Variants in GCSAML observed in about 807,000 individuals in gnomAD.
GCSAML encodes germinal center associated signaling and motility like.
A neutral mutation model predicts 13.0 loss-of-function variants in GCSAML; 9 were observed. That is an observed-to-expected ratio of 0.69 (90% confidence interval 0.42 to 1.21). GCSAML has a LOEUF of 1.21. Among genes scored for constraint, GCSAML ranks in the 50% most tolerant of loss-of-function variants. The probability of loss-of-function intolerance (pLI) is 0.00; values close to 1 mark genes in which losing one functional copy is unlikely to be tolerated. For synonymous variants in GCSAML, 37 were observed against 52.9 expected, an observed-to-expected ratio of 0.70 and a Z score of 1.31; for missense variants, 143 against 153.4, an observed-to-expected ratio of 0.93 and a Z score of 0.36.
At chr1:247,511,401 A>G (rs1450474818) in intron 1 of GCSAML, among the ~76,000 whole-genome samples, 6 of 151,732 alleles carry the variant, frequency 4.0e-5, no homozygotes. Context: ...TTTTGAGCTT[A>G]TGTGTGTCTT....
intron 2 of GCSAML, among the ~76,000 whole-genome samples, chr1:247,541,378 G>A (rs1667406040): frequency 6.6e-6 from 1 of 152,064 alleles, no homozygotes; most frequent in Admixed American, 6.6e-5. Flanking sequence ...CAGTTGGTGG[G>A]GTAGAATATT....
At chr1:247,549,044 G>A, upstream of GCSAML, 2 of 1,582,620 alleles carry the variant, frequency 1.3e-6, no homozygotes, top group Non-Finnish European at 1.7e-6. Context: ...ATCATGCGCA[G>A]GCCCCTGGCA....
intron 2 of GCSAML, chr1:247,532,001 C>T (rs1353296573): frequency 1.2e-6 from 2 of 1,614,088 alleles, no homozygotes; most frequent in Non-Finnish European, 1.7e-6. Flanking sequence ...CAATTGTTCC[C>T]ACACAGCGGT....
At chr1:247,564,027 G>A (rs945966809) in intron 3 of GCSAML, among the ~76,000 whole-genome samples, 6 of 151,884 alleles carry the variant, frequency 4.0e-5, no homozygotes, top group East Asian at 3.9e-4. Flanking sequence ...CCCGCCTTCC[G>A]GGTTCAAGTG....
chr1:247,573,136 C>T (rs1184449871), intron 4 of GCSAML, among the ~76,000 whole-genome samples: 1 of 152,196 alleles, frequency 6.6e-6, no homozygotes, highest in East Asian at 1.9e-4. Flanking sequence ...CTGAGCAAGA[C>T]CACTTGGCTC....
At chr1:247,520,782 C>T (rs1220287135) in intron 1 of GCSAML, among the ~76,000 whole-genome samples, 2 of 152,098 alleles carry the variant, frequency 1.3e-5, no homozygotes, top group Non-Finnish European at 2.9e-5. Context: ...CAGATTTCCT[C>T]ATTGGATTAT....
chr1:247,577,540 C>T lies in GCSAML; in HGVS notation c.*3158C>T, dbSNP rs967185307. On this transcript the variant is annotated 3_prime_UTR_variant, in exon 5 of 5. Coordinates refer to ENST00000366488, the MANE Select transcript of GCSAML (RefSeq NM_145278.5). Reference sequence around the variant, plus strand: ...GATTCATCTATGTTTAATGTTCTATCAGTAGTTGTACATCTTACTTGTCTC... The same window carrying T: ...GATTCATCTATGTTTAATGTTCTATTAGTAGTTGTACATCTTACTTGTCTC... 4 of 152,306 alleles carry T rather than the reference C, an allele frequency of 2.6e-5. 1 individual carries two copies. In the East Asian group the frequency reaches 7.7e-4, roughly 29 times the overall value. The allele number at this position is 152,306 out of a possible 1,614,324, so 9.4% of individuals were successfully genotyped here.
intron 2 of GCSAML, among the ~76,000 whole-genome samples, chr1:247,534,874 A>G (rs1481142063): frequency 1.3e-5 from 2 of 152,198 alleles, no homozygotes; most frequent in African/African-American, 2.4e-5. Flanking sequence ...GGCATTTGTT[A>G]AAATTCACAC....
chr1:247,556,515 T>C, intron 2 of GCSAML, 49 bp downstream of exon 2: 2 of 1,360,940 alleles, frequency 1.5e-6, no homozygotes, highest in Non-Finnish European at 2.1e-6. Context: ...TGTTTTGTTT[T>C]TTCATTGAGA....
intron 1 of GCSAML, among the ~76,000 whole-genome samples, chr1:247,549,486 G>A (rs1667695381): frequency 2.0e-5 from 3 of 151,556 alleles, no homozygotes; most frequent in Admixed American, 2.0e-4. Context: ...TTTTTTTTTA[G>A]TATGAATGTG....
chr1:247,536,531 G>C (rs1398263055), intron 2 of GCSAML: 2 of 152,176 alleles, frequency 1.3e-5, no homozygotes, highest in African/African-American at 4.8e-5. Context: ...ACCCTAAAGG[G>C]TGAAGTGTGA....
intron 1 of GCSAML, among the ~76,000 whole-genome samples, chr1:247,554,493 C>A (rs1667890793): frequency 6.6e-6 from 1 of 152,064 alleles, no homozygotes; most frequent in Non-Finnish European, 1.5e-5. Context: ...CTTCTCCCAA[C>A]TTCTTAAGAT....
intron 2 of GCSAML, chr1:247,531,300 A>G: frequency 2.0e-6 from 1 of 509,604 alleles, no homozygotes; most frequent in Non-Finnish European, 3.5e-6. Flanking sequence ...AGTTTACAAA[A>G]CAAGATGACA....
intron 1 of GCSAML, among the ~76,000 whole-genome samples, chr1:247,524,313 C>G (rs1017258514): frequency 6.6e-6 from 1 of 152,176 alleles, no homozygotes; most frequent in African/African-American, 2.4e-5. Flanking sequence ...ACACATGTAG[C>G]CCTTCCTCTT....
chr1:247,565,604 T>C, intron 3 of GCSAML: 1 of 239,164 alleles, frequency 4.2e-6, no homozygotes, highest in Admixed American at 5.6e-5. Context: ...ATGCTTATCA[T>C]ATTGCATTGA....
intron 1 of GCSAML, among the ~76,000 whole-genome samples, chr1:247,514,330 T>C (rs1277055999): frequency 6.6e-6 from 1 of 152,204 alleles, no homozygotes; most frequent in African/African-American, 2.4e-5. Context: ...CCACTTTTTT[T>C]TCTCTCGCAC....
At chr1:247,559,236 T>G (rs1668045372) in intron 2 of GCSAML, among the ~76,000 whole-genome samples, 1 of 152,204 alleles carries the variant, frequency 6.6e-6, no homozygotes, top group Non-Finnish European at 1.5e-5. Flanking sequence ...AGAGAAACAT[T>G]ATTGTGTATT....
intron 2 of GCSAML, among the ~76,000 whole-genome samples, chr1:247,538,174 G>A (rs1233694468): frequency 6.6e-6 from 1 of 152,158 alleles, no homozygotes; most frequent in Non-Finnish European, 1.5e-5. Flanking sequence ...TGTATATGCT[G>A]TAAGGTAGGG....
At chr1:247,532,882 G>A (rs893314679) in intron 2 of GCSAML, among the ~76,000 whole-genome samples, 1 of 149,236 alleles carries the variant, frequency 6.7e-6, no homozygotes, top group Non-Finnish European at 1.5e-5. Flanking sequence ...GGTGGGGGGT[G>A]TTCACTGTCT....
Sources: allele counts gnomAD v4.1 joint callset (sites outside exome capture counted in the v4.1 genomes callset), GRCh38; gene constraint gnomAD v4.1.1; transcripts MANE v1.5; gene names NCBI Gene and HGNC (gene_info 2026-07-23, HGNC 2026-07-21).